The following MMRN2 variants were observed in gnomAD, a reference collection of about 807,000 sequenced individuals.
The protein encoded by MMRN2 is multimerin-2.
A neutral mutation model predicts 68.8 loss-of-function variants in MMRN2; 53 were observed. The ratio of observed to expected loss-of-function variants is 0.77; its 90% CI spans 0.62 to 0.97. The LOEUF (loss-of-function observed/expected upper bound fraction) is 0.97, where lower values mean the gene tolerates loss of function less well. Ranked by LOEUF, MMRN2 falls within the 50% of genes least tolerant of loss-of-function variation. The pLI, the probability that MMRN2 is intolerant of heterozygous loss-of-function variation, is 0.00. For missense variants in MMRN2, 1,266 were observed against 1,259.5 expected (o/e 1.01, Z -0.08); for synonymous variants, 564 against 551.6 (o/e 1.02, Z -0.32).
At position 86,944,391 on chromosome 10, in the gene MMRN2, G is replaced by A. The variant is rs752063792; in HGVS notation, c.526C>T (p.Gln176Ter). The A allele has an allele frequency of 3.1e-6, 5 of 1,614,010 alleles. No individual in the cohort carries two copies. Among genetic ancestry groups the A allele is most frequent in the South Asian group, 2.2e-5 (2 of 91,064 alleles). Residue 176 changes from glutamine to a stop codon, truncating the protein, a stop_gained, in exon 5 of 7, where the codon CAG becomes TAG. Transcript: ENST00000372027. LOFTEE classifies it high-confidence loss of function. The stretch of plus-strand genomic sequence containing the variant: ...AGATCTCCCAGCAGATGTTCCTGCT[G>A]TTCCTGTTGCACCTCAACCTCATTG... ...VINEVEVQQE[Q>*]QEHLLGDLQN...
intron 6 of MMRN2, 119 bp downstream of exon 6, chr10:86,942,198 A>C: frequency 8.4e-7 from 1 of 1,183,578 alleles, no homozygotes; most frequent in Non-Finnish European, 1.2e-6. Flanking sequence ...TGGACCTAGT[A>C]GGGGTGACGG....
At chr10:86,951,982 A>T (rs1564734771) in intron 1 of MMRN2, among the ~76,000 whole-genome samples, 1 of 152,152 alleles carries the variant, frequency 6.6e-6, no homozygotes, top group Non-Finnish European at 1.5e-5. Flanking sequence ...GAGGAGGTGG[A>T]GGTTGCAGTG....
intron 1 of MMRN2, among the ~76,000 whole-genome samples, chr10:86,956,592 C>T (rs974790253): frequency 2.8e-4 from 43 of 152,236 alleles, no homozygotes; most frequent in Non-Finnish European, 1.6e-4. Flanking sequence ...TCAGATCCTG[C>T]TCCTTAGCTG....
At chr10:86,957,253 A>C in intron 1 of MMRN2, 125 bp downstream of exon 1, 6 of 991,736 alleles carry the variant, frequency 6.0e-6, no homozygotes, top group Non-Finnish European at 7.7e-6. Flanking sequence ...CAGATGGCCC[A>C]GAGATAGATA....
intron 1 of MMRN2, chr10:86,949,265 A>G (rs1844111398): frequency 6.6e-6 from 1 of 152,220 alleles, no homozygotes; most frequent in African/African-American, 2.4e-5. Flanking sequence ...TCTCATATCC[A>G]GCCTAACTAT....
At chr10:86,951,790 G>A (rs948113500) in intron 1 of MMRN2, among the ~76,000 whole-genome samples, 3 of 152,352 alleles carry the variant, frequency 2.0e-5, no homozygotes, top group Non-Finnish European at 2.9e-5. Context: ...ACTCATGCCT[G>A]TAATCCCAGC....
intron 6 of MMRN2, among the ~76,000 whole-genome samples, chr10:86,937,425 C>A (rs998645958): frequency 1.3e-5 from 2 of 151,242 alleles, no homozygotes; most frequent in African/African-American, 2.4e-5. Context: ...GGCTGGAGTG[C>A]AGCAGTGGTC....
intron 1 of MMRN2, chr10:86,945,907 C>T: frequency 7.5e-7 from 1 of 1,324,670 alleles, no homozygotes; most frequent in African/African-American, 1.5e-5. Context: ...CCACCACCTT[C>T]CCGAAGCCTC....
chr10:86,945,464 G>A lies in MMRN2; in HGVS notation c.306C>T (p.Ala102=). ...GCTTGACCTGGTACACTGGCTTGTG[G>A]GCCATGCGGTACCTGGAAGAGGAGA... ...CQKVKVMYRM[A]HKPVYQVKQK... The change falls in exon 3 of 7, where the codon GCC becomes GCT. Residue 102 remains alanine (A), a synonymous_variant. Coordinates refer to ENST00000372027, the MANE Select transcript of MMRN2 (RefSeq NM_024756.3). The A allele has an allele frequency of 2.6e-6, 4 of 1,558,280 alleles. No individual in the cohort carries two copies. Among genetic ancestry groups the A allele is most frequent in the South Asian group, 1.2e-5 (1 of 85,106 alleles).
Position 86,942,610 on chromosome 10 carries a change from G to C in MMRN2, c.2174C>G (p.Ser725Cys). 6.2e-7 allele frequency: 1 copy of C among 1,606,790 alleles called. No individual in the cohort carries two copies. Among genetic ancestry groups the C allele is most frequent in the Non-Finnish European group, 8.5e-7 (1 of 1,179,712 alleles). The change falls in exon 6 of 7, where the codon TCC becomes TGC. Residue 725 changes from serine to cysteine, a missense_variant. Coordinates refer to ENST00000372027, the MANE Select transcript of MMRN2 (RefSeq NM_024756.3). ...CEAEAGAGAA[S>C]LNASLHGLHN... ...GAGGCCGTGAAGGGAGGCGTTGAGGGAGGCGGCCCCGGCCCCGGCCTCGGC... is the reference window on the plus strand; with the variant it reads ...GAGGCCGTGAAGGGAGGCGTTGAGGCAGGCGGCCCCGGCCCCGGCCTCGGC...
At chr10:86,939,794 A>G (rs1843937438) in intron 6 of MMRN2, among the ~76,000 whole-genome samples, 1 of 150,732 alleles carries the variant, frequency 6.6e-6, no homozygotes, top group Admixed American at 6.6e-5. Context: ...AAACAAATAA[A>G]GGGAAATTTG....
rs147017508 is a variant in MMRN2, at chr10:86,943,714, G to A, written c.1070C>T (p.Thr357Met). ...CTCAGGCCTTGCCCCAGCCCCAGGC[G>A]TTGCCAACACCAGACTGCCATTGGT... ...PGTNGSLVLA[T>M]PGAGARPEPD... Residue 357 changes from threonine to methionine, a missense_variant, in exon 6 of 7, where the codon ACG becomes ATG. Coordinates refer to ENST00000372027, the MANE Select transcript of MMRN2 (RefSeq NM_024756.3). This position sits in a 1 kb window ranked among gnomAD's most constrained non-coding sequence, Gnocchi z 4.2. The A allele has an allele frequency of 5.8e-5, 93 of 1,609,094 alleles. No homozygotes were observed. The highest frequency in any genetic ancestry group is 7.3e-5 in the Non-Finnish European group (86 of 1,179,994).
intron 6 of MMRN2, among the ~76,000 whole-genome samples, chr10:86,937,993 T>C (rs546028858): frequency 6.6e-6 from 1 of 152,202 alleles, no homozygotes; most frequent in African/African-American, 2.4e-5. Context: ...CTGGAGTGCA[T>C]TGGCGATCAT....
chr10:86,935,654 T>C lies in MMRN2; in HGVS notation c.*1089A>G, dbSNP rs903285290. On this transcript the variant is annotated 3_prime_UTR_variant, in exon 7 of 7. Transcript: ENST00000372027. ...TTAGAGATGCTAACAAGAATTACGA[T>C]GGTCCTAAGATACTGGAGGAAGTAA... 7 of 152,238 alleles carry C rather than the reference T, an allele frequency of 4.6e-5. No individual in the cohort carries two copies. The highest frequency in any genetic ancestry group is 1.3e-4 in the Admixed American group (2 of 15,284). 9.4% of individuals were successfully genotyped at this position (152,238 alleles called of 1,614,324 possible).
chr10:86,943,035 G>T lies in MMRN2; in HGVS notation c.1749C>A (p.Ala583=), dbSNP rs777785282. ...GCTGGCGCACCTCGTGGCGGGCCTC[G>T]GCCGCGGCCGCCTTCAGCGCGCCCA... ...DEVGALKAAA[A]EARHEVRQLH... is the part of the protein sequence containing the mutation. Residue 583 remains alanine (A), a synonymous_variant, in exon 6 of 7, where the codon GCC becomes GCA. Transcript: ENST00000372027. This position sits in a 1 kb window ranked among gnomAD's most constrained non-coding sequence, Gnocchi z 4.2. The T allele has an allele frequency of 7.4e-7, 1 of 1,350,384 alleles. No homozygotes were observed. The highest frequency in any genetic ancestry group is 3.8e-5 in the Admixed American group (1 of 26,164). The allele number at this position is 1,350,384 out of a possible 1,614,324, so 83.7% of individuals were successfully genotyped here. A position where few individuals can be genotyped will look rare whatever the true frequency, so the allele number is the denominator to read the frequency against.
At position 86,943,924 on chromosome 10, in the gene MMRN2, T is replaced by G. The variant is rs759182831; in HGVS notation, c.860A>C (p.Gln287Pro). 3 of 1,614,130 alleles carry G rather than the reference T, an allele frequency of 1.9e-6. No individual in the cohort carries two copies. The highest frequency in any genetic ancestry group is 2.5e-6 in the Non-Finnish European group (3 of 1,180,020). ...QDSAVARADF[Q>P]ELGAKFEAKV... Reference sequence around the variant, plus strand: ...GGCCTCAAATTTGGCACCAAGCTCCTGGAAGTCAGCCCTGGCCACGGCACT... The same window carrying G: ...GGCCTCAAATTTGGCACCAAGCTCCGGGAAGTCAGCCCTGGCCACGGCACT... Residue 287 changes from glutamine (Q) to proline (P), a missense_variant, in exon 6 of 7, where the codon CAG becomes CCG. By Grantham distance (76) the Gln-to-Pro change is moderately conservative. Coordinates refer to ENST00000372027, the MANE Select transcript of MMRN2 (RefSeq NM_024756.3). This position sits in a 1 kb window ranked among gnomAD's most constrained non-coding sequence, Gnocchi z 4.2.
At chr10:86,949,248 C>A (rs188994919) in intron 1 of MMRN2, 4 of 152,256 alleles carry the variant, frequency 2.6e-5, no homozygotes, top group Admixed American at 2.0e-4. Flanking sequence ...TAATTTACAA[C>A]CCAGAATCTC....
rs1381176114 is a variant in MMRN2 at position 86,936,537 on chromosome 10, G to C, written c.*206C>G. On this transcript the variant is annotated 3_prime_UTR_variant, in exon 7 of 7. Coordinates refer to ENST00000372027, the MANE Select transcript of MMRN2 (RefSeq NM_024756.3). ...GCTTCCTAGGACCATGTCCTGCCCG[G>C]AGAAGCATTCCAGTCCTTCTCATCA... 1 of 632,500 alleles carries C rather than the reference G, an allele frequency of 1.6e-6. No individual in the cohort carries two copies. The allele number at this position is 632,500 out of a possible 1,614,324, so 39.2% of individuals were successfully genotyped here. A position where few individuals can be genotyped will look rare whatever the true frequency, so the allele number is the denominator to read the frequency against.
chr10:86,944,583 G>T, intron 4 of MMRN2, 148 bp from the exon 5 acceptor site: 1 of 801,214 alleles, frequency 1.2e-6, no homozygotes, highest in Non-Finnish European at 2.0e-6. Flanking sequence ...TTAAACCCCT[G>T]GAGGGCAAAT....
Sources: gnomAD v4.1 joint callset for allele counts (sites outside exome capture counted in the v4.1 genomes callset) on GRCh38, gnomAD v4.1.1 for gene constraint, Gnocchi (gnomAD v3.1) non-coding constraint, MANE v1.5 for transcripts, NCBI Gene and HGNC (gene_info 2026-07-23, HGNC 2026-07-21) for gene names.